Variants in PARVB observed in about 807,000 individuals in gnomAD.
PARVB encodes the protein parvin beta, also known as beta-parvin.
A neutral mutation model predicts 47.0 loss-of-function variants in PARVB; 46 were observed. The ratio of observed to expected loss-of-function variants is 0.98; its 90% CI spans 0.77 to 1.25. The LOEUF (loss-of-function observed/expected upper bound fraction) is 1.25, where lower values mean the gene tolerates loss of function less well. Among genes scored for constraint, PARVB ranks in the 50% most tolerant of loss-of-function variants. PARVB has a pLI of 0.00. For synonymous variants in PARVB, 196 were observed against 196.3 expected (o/e 1.00, Z 0.01); for missense variants, 473 against 471.6 (o/e 1.00, Z -0.03).
chr22:44,010,245 A>T (rs1215967075), intron 2 of PARVB, among the ~76,000 whole-genome samples: 1 of 152,216 alleles, frequency 6.6e-6, no homozygotes, highest in Non-Finnish European at 1.5e-5. Flanking sequence ...TGTGGAATGA[A>T]TGAATCCATG....
intron 11 of PARVB, chr22:44,162,637 A>C (rs1309689971): frequency 6.6e-6 from 1 of 152,250 alleles, no homozygotes; most frequent in East Asian, 1.9e-4. Flanking sequence ...TTTGATTACT[A>C]AGAGCCCTGA....
Position 44,019,224 on chromosome 22 carries a change from AT to A in PARVB, c.211+19558del, listed in dbSNP as rs1569053365. Among the ~76,000 whole-genome samples the A allele has an allele frequency of 2.9e-5, 4 of 139,928 alleles. No homozygotes were observed. The South Asian group carries it at 9.1e-4, about 32-fold the overall frequency. 91.8% of individuals were successfully genotyped at this position (139,928 alleles called of 152,430 possible). A position where few individuals can be genotyped will look rare whatever the true frequency, so the allele number is the denominator to read the frequency against. On this transcript the variant is annotated intron_variant, in intron 2 of 13. Coordinates refer to the PARVB transcript ENST00000406477. ...GAGCCACCACGCCTGGCCTATTTTT[AT>A]TTTTTTATTTTTGAGATGGAGTCTT...
At chr22:44,129,742 C>T (rs962812254) in intron 4 of PARVB, among the ~76,000 whole-genome samples, 1 of 152,162 alleles carries the variant, frequency 6.6e-6, no homozygotes, top group Non-Finnish European at 1.5e-5. Flanking sequence ...GTTTCCACTC[C>T]CCTGCAGGAT....
chr22:44,009,015 A>T (rs954319838), intron 2 of PARVB, among the ~76,000 whole-genome samples: 17 of 152,172 alleles, frequency 1.1e-4, no homozygotes, highest in African/African-American at 3.9e-4. Context: ...ATAAATAAAT[A>T]AAGCTCCATA....
intron 1 of PARVB, among the ~76,000 whole-genome samples, chr22:44,045,679 G>A (rs2051100983): frequency 6.6e-6 from 1 of 152,214 alleles, no homozygotes; most frequent in East Asian, 1.9e-4. Context: ...GTTGTGCACT[G>A]TTGATGCTCC....
chr22:44,055,680 A>G (rs5764487), intron 1 of PARVB, among the ~76,000 whole-genome samples: 1 of 121,010 alleles, frequency 8.3e-6, no homozygotes, highest in Admixed American at 8.2e-5. Context: ...CTCTCTCTCT[A>G]TATATATATA....
intron 1 of PARVB, among the ~76,000 whole-genome samples, chr22:44,085,997 T>C (rs534694928): frequency 6.6e-6 from 1 of 152,230 alleles, no homozygotes; most frequent in African/African-American, 2.4e-5. Flanking sequence ...TATTTCATCT[T>C]GAGAAATGGG....
At position 43,999,751 on chromosome 22, in the gene PARVB, T is replaced by G. The variant is rs1411651033; in HGVS notation, c.211+78T>G. The G allele has an allele frequency of 2.8e-5, 28 of 983,218 alleles. No individual in the cohort carries two copies. In the South Asian group the frequency reaches 3.6e-4, roughly 13 times the overall value. The allele number at this position is 983,218 out of a possible 1,614,324, so 60.9% of individuals were successfully genotyped here. On this transcript the variant is annotated intron_variant, in intron 2 of 13. Coordinates refer to the PARVB transcript ENST00000406477. ...GCTCATGCCTGTAACCCTAGCACTT[T>G]GGGAGGCTGAGGAGGGAGGATTGTT...
chr22:44,050,721 T>TC (rs2051193453), intron 1 of PARVB, among the ~76,000 whole-genome samples: 1 of 152,164 alleles, frequency 6.6e-6, no homozygotes, highest in Non-Finnish European at 1.5e-5. Context: ...GGGTCACTTG[T>TC]CCCCTGTTAG....
intron 1 of PARVB, among the ~76,000 whole-genome samples, chr22:44,072,595 C>A (rs1043297982): frequency 3.3e-5 from 5 of 152,132 alleles, no homozygotes; most frequent in African/African-American, 1.2e-4. Flanking sequence ...TGCATGCCAT[C>A]ATGCCTAGCT....
chr22:44,162,813 A>G (rs1364739297), intron 11 of PARVB: 2 of 152,208 alleles, frequency 1.3e-5, no homozygotes, highest in African/African-American at 2.4e-5. Context: ...CTTTTATTTT[A>G]AACCTGTTCA....
intron 1 of PARVB, among the ~76,000 whole-genome samples, chr22:44,043,259 AC>A (rs1409291218): frequency 6.6e-6 from 1 of 152,134 alleles, no homozygotes; most frequent in African/African-American, 2.4e-5. Context: ...AGGTACAGTG[AC>A]CCCTCATGGG....
At chr22:44,083,523 G>A (rs1569099717) in intron 1 of PARVB, among the ~76,000 whole-genome samples, 2 of 152,158 alleles carry the variant, frequency 1.3e-5, no homozygotes, top group East Asian at 1.9e-4. Flanking sequence ...GGAGGGGCCC[G>A]AACTGCACCC....
At chr22:44,014,825 A>C (rs2146857846) in intron 2 of PARVB, among the ~76,000 whole-genome samples, 1 of 151,494 alleles carries the variant, frequency 6.6e-6, no homozygotes, top group Admixed American at 6.7e-5. Flanking sequence ...CACATACAAG[A>C]CAAAAAAATC....
intron 1 of PARVB, among the ~76,000 whole-genome samples, chr22:44,059,601 A>C (rs2051382778): frequency 1.3e-5 from 2 of 152,166 alleles, no homozygotes; most frequent in Non-Finnish European, 2.9e-5. Context: ...CGAGAAGTAG[A>C]AGGCACCGGT....
intron 2 of PARVB, among the ~76,000 whole-genome samples, chr22:44,012,772 C>G (rs1321021255): frequency 6.6e-6 from 1 of 152,100 alleles, no homozygotes; most frequent in Non-Finnish European, 1.5e-5. Flanking sequence ...GAATGAGTTC[C>G]CTTTTCTCTC....
intron 1 of PARVB, among the ~76,000 whole-genome samples, chr22:44,077,992 T>C (rs2051816362): frequency 6.6e-6 from 1 of 152,096 alleles, no homozygotes; most frequent in South Asian, 2.1e-4. Context: ...GATATTACTC[T>C]TTACAGCTAG....
rs199609476 is a variant in PARVB, at chr22:44,066,646, A to G, written c.113-27282A>G. Among the ~76,000 whole-genome samples the G allele has an allele frequency of 2.2e-4, 33 of 152,280 alleles. No homozygotes were observed. The East Asian group carries it at 6.4e-3, about 29-fold the overall frequency. ...ATACGCACCCTGTATAAGACCTTCA[A>G]CAGCCTGTCGACCACTCACTGCCTC... On this transcript the variant is annotated intron_variant, in intron 1 of 12. Transcript: ENST00000338758.
At chr22:44,021,053 G>A (rs1345099953), upstream of PARVB, among the ~76,000 whole-genome samples, 33 of 152,198 alleles carry the variant, frequency 2.2e-4, no homozygotes, top group Admixed American at 2.2e-3. Context: ...AAACTGCTGG[G>A]ATTATAGACG....
Sources: gnomAD v4.1 joint callset for allele counts (sites outside exome capture counted in the v4.1 genomes callset) on GRCh38, gnomAD v4.1.1 for gene constraint, MANE v1.5 for transcripts, NCBI Gene and HGNC (gene_info 2026-07-23, HGNC 2026-07-21) for gene names.